The following RANBP2 variants were observed in gnomAD, a reference collection of about 807,000 sequenced individuals.
RANBP2 encodes RAN binding protein 2.
Under a neutral mutation model 303.6 loss-of-function variants are expected in RANBP2, and 57 were observed. That is an observed-to-expected ratio of 0.19 (90% CI 0.15 to 0.23). RANBP2 has a LOEUF of 0.23. Ranked by LOEUF, RANBP2 falls within the 10% of genes least tolerant of loss-of-function variation. RANBP2 has a pLI of 1.00. For synonymous variants in RANBP2, 1,167 were observed against 1,301.5 expected (o/e 0.90, Z 2.23); for missense variants, 3,138 against 3,780.8 (o/e 0.83, Z 4.46).
chr2:108,806,707 A>G, the RANBP2 span, among the ~76,000 whole-genome samples: 35 of 152,238 alleles, frequency 2.3e-4, no homozygotes, highest in Non-Finnish European at 4.4e-4. Context: ...TCCTGGCTAG[A>G]TGAATAACAT....
At chr2:108,823,700 G>A in the RANBP2 span, among the ~76,000 whole-genome samples, 1 of 152,194 alleles carries the variant, frequency 6.6e-6, no homozygotes, top group African/African-American at 2.4e-5. Context: ...GTGCACCTGG[G>A]CCAGGCTCAG....
At position 108,771,833 on chromosome 2, in the gene RANBP2, A is replaced by G. The variant is rs746866652; in HGVS notation, c.7982A>G (p.Lys2661Arg). 31 of 1,613,976 alleles carry G rather than the reference A, an allele frequency of 1.9e-5. No homozygotes were observed. The Middle Eastern group carries it at 8.2e-4, about 43-fold the overall frequency. ...LKLPPTFFCY[K>R]NRPDYVSEEE... ...CTTCCTCCAACTTTCTTCTGCTACAAGAATAGACCAGATTATGTTAGTGAA... is the reference window on the plus strand; with the variant it reads ...CTTCCTCCAACTTTCTTCTGCTACAGGAATAGACCAGATTATGTTAGTGAA... The change falls in exon 21 of 29, where the codon AAG becomes AGG. Residue 2661 changes from lysine to arginine, a missense_variant. Physicochemically the swap from Lys to Arg is conservative, Grantham distance 26. Coordinates refer to ENST00000283195, the MANE Select transcript of RANBP2 (RefSeq NM_006267.5).
chr2:109,518,764 G>C, the RANBP2 span, among the ~76,000 whole-genome samples: 1 of 152,094 alleles, frequency 6.6e-6, no homozygotes, highest in South Asian at 2.1e-4. Flanking sequence ...AAAGAAAGGG[G>C]GTTTATTTGG....
At chr2:109,347,553 C>G in the RANBP2 span, 1 of 1,348,596 alleles carries the variant, frequency 7.4e-7, no homozygotes, top group Admixed American at 2.7e-5. Context: ...TTGCGGGGCA[C>G]TCTGTATGCA....
chr2:108,753,383 C>T (rs1676056571), intron 13 of RANBP2, 43 bp from the exon 14 acceptor site: 5 of 1,606,066 alleles, frequency 3.1e-6, no homozygotes, highest in Non-Finnish European at 4.2e-6. Context: ...GTTTTATATT[C>T]TGAGTATAAA....
At chr2:109,530,155 C>T in the RANBP2 span, among the ~76,000 whole-genome samples, 1 of 152,198 alleles carries the variant, frequency 6.6e-6, no homozygotes, top group African/African-American at 2.4e-5. Flanking sequence ...CAACACCAGA[C>T]ACTGCGTTTG....
the RANBP2 span, among the ~76,000 whole-genome samples, chr2:109,489,768 C>T: frequency 2.3e-4 from 35 of 152,060 alleles, no homozygotes; most frequent in South Asian, 1.2e-3. Flanking sequence ...GACGGAGTCT[C>T]GCTCTGTCAC....
chr2:109,154,261 G>A, the RANBP2 span, among the ~76,000 whole-genome samples: 1 of 152,196 alleles, frequency 6.6e-6, no homozygotes, highest in Non-Finnish European at 1.5e-5. Context: ...GACCACATTG[G>A]ATGGAAGCTG....
chr2:109,107,427 T>C, the RANBP2 span, among the ~76,000 whole-genome samples: 2 of 152,208 alleles, frequency 1.3e-5, no homozygotes, highest in Admixed American at 6.5e-5. Flanking sequence ...GGGGGGCTTC[T>C]GAACGGGACC....
chr2:109,036,090 AAACTT>A, the RANBP2 span, among the ~76,000 whole-genome samples: 150 of 152,346 alleles, frequency 9.8e-4, 1 homozygote, highest in African/African-American at 3.3e-3. Flanking sequence ...AGATGAAAGA[AAACTT>A]AAGAGAACTT....
chr2:108,879,687 C>A, the RANBP2 span, among the ~76,000 whole-genome samples: 1,363 of 152,066 alleles, frequency 9.0e-3, 26 homozygotes, highest in African/African-American at 0.031. Context: ...TTAATTGTTA[C>A]CATTTTATAG....
the RANBP2 span, among the ~76,000 whole-genome samples, chr2:109,367,282 CTTTTTA>C: frequency 6.7e-6 from 1 of 148,530 alleles, no homozygotes; most frequent in African/African-American, 2.5e-5. Flanking sequence ...GAATTTTTTA[CTTTTTA>C]TTTTTATTTT....
the RANBP2 span, among the ~76,000 whole-genome samples, chr2:109,181,751 A>C: frequency 0.017 from 2,555 of 152,242 alleles, 88 homozygotes; most frequent in African/African-American, 0.058. Flanking sequence ...AGTGGATGCT[A>C]GGTTCCATCT....
chr2:109,501,383 T>G, the RANBP2 span: 90 of 527,792 alleles, frequency 1.7e-4, 1 homozygote, highest in Middle Eastern at 4.0e-3. Context: ...AAATAGAAAT[T>G]GTATAAAGTG....
At chr2:108,738,422 G>C (rs1312694024) in intron 6 of RANBP2, among the ~76,000 whole-genome samples, 2 of 151,912 alleles carry the variant, frequency 1.3e-5, no homozygotes, top group East Asian at 3.9e-4. Flanking sequence ...GCCTCCCAAA[G>C]TACTGGAAGG....
rs768885783 is a variant in RANBP2 at position 108,782,657 on chromosome 2, C to T, written c.9164C>T (p.Ala3055Val). The change falls in exon 28 of 29, where the codon GCA becomes GTA. Residue 3055 changes from alanine to valine, a missense_variant. Coordinates refer to ENST00000283195, the MANE Select transcript of RANBP2 (RefSeq NM_006267.5). ...MKLQKGHVSLAAELSKETNPV... is the reference protein window; with the variant it reads ...MKLQKGHVSLVAELSKETNPV... ...CTCCAGAAAGGACATGTATCACTGG[C>T]AGCAGAATTATCAAAGGAGACCAAT... is the stretch of plus-strand genomic sequence containing the variant. 1.9e-6 allele frequency: 3 copies of T among 1,614,190 alleles called. No individual in the cohort carries two copies. The highest frequency in any genetic ancestry group is 1.7e-5 in the Admixed American group (1 of 60,020).
chr2:108,779,300 T>C (rs571902702), intron 25 of RANBP2, among the ~76,000 whole-genome samples: 9 of 152,206 alleles, frequency 5.9e-5, no homozygotes, highest in Non-Finnish European at 1.3e-4. Context: ...TAGCTGGGAT[T>C]ACAGGCATGC....
At chr2:108,742,961 TTG>T (rs1243360982) in intron 7 of RANBP2, among the ~76,000 whole-genome samples, 1 of 151,826 alleles carries the variant, frequency 6.6e-6, no homozygotes, top group East Asian at 2.0e-4. Flanking sequence ...GCTAATTTTT[TTG>T]TATTTTCAGT....
At chr2:108,722,606 T>G (rs1694356442) in intron 1 of RANBP2, among the ~76,000 whole-genome samples, 1 of 143,360 alleles carries the variant, frequency 7.0e-6, no homozygotes, top group African/African-American at 2.9e-5. Flanking sequence ...TCTTCTCTTG[T>G]TTTGCCATTT....
Sources: allele counts gnomAD v4.1 joint callset (sites outside exome capture counted in the v4.1 genomes callset), GRCh38; gene constraint gnomAD v4.1.1; transcripts MANE v1.5; gene names NCBI Gene and HGNC (gene_info 2026-07-23, HGNC 2026-07-21).